VWF: variants seen among roughly 807,000 people sequenced by gnomAD.
VWF encodes Factor VIII related antigen.
A neutral mutation model predicts 308.6 loss-of-function variants in VWF; 176 were observed. That is an observed-to-expected ratio of 0.57 (90% CI 0.50 to 0.65). The LOEUF is 0.65. Among genes scored for constraint, VWF ranks in the 30% least tolerant of loss-of-function variants. VWF has a pLI of 0.00. For missense variants in VWF, 3,146 were observed against 3,648.2 expected, an observed-to-expected ratio of 0.86 and a Z score of 3.55; for synonymous variants, 1,385 against 1,443.4, an observed-to-expected ratio of 0.96 and a Z score of 0.92.
At chr12:6,052,817 G>T in intron 15 of VWF, 34 bp from the exon 16 acceptor site, 1 of 1,601,764 alleles carries the variant, frequency 6.2e-7, no homozygotes, top group South Asian at 1.1e-5. Context: ...GCCTCAGCGG[G>T]AATGTTGGAC....
At chr12:6,106,543 C>G (rs1945245791) in intron 5 of VWF, among the ~76,000 whole-genome samples, 1 of 152,036 alleles carries the variant, frequency 6.6e-6, no homozygotes, top group African/African-American at 2.4e-5. Flanking sequence ...ATGAATGTAC[C>G]TGATACCACT....
chr12:5,984,962 G>A lies in VWF; in HGVS notation c.6976+83C>T, dbSNP rs1243106540. The stretch of plus-strand genomic sequence containing the variant: ...TTCACACACCCTGTGCCTGAGAACA[G>A]AGACACCTTTCAGCACCTTCAACGT... On this transcript the variant is annotated intron_variant, in intron 40 of 51. Transcript: ENST00000261405. 5.5e-6 allele frequency: 8 copies of A among 1,453,018 alleles called. No homozygotes were observed. In the African/African-American group the frequency reaches 8.4e-5, roughly 15 times the overall value. The allele number at this position is 1,453,018 out of a possible 1,614,324, so 90.0% of individuals were successfully genotyped here. A position where few individuals can be genotyped will look rare whatever the true frequency, so the allele number is the denominator to read the frequency against.
intron 5 of VWF, among the ~76,000 whole-genome samples, chr12:6,109,028 T>C (rs1014876028): frequency 1.3e-5 from 2 of 148,888 alleles, no homozygotes; most frequent in African/African-American, 2.5e-5. Context: ...TAAATGTATA[T>C]AGGTTCAGAA....
intron 43 of VWF, among the ~76,000 whole-genome samples, chr12:5,972,945 G>A (rs201301396): frequency 2.0e-5 from 3 of 152,144 alleles, no homozygotes; most frequent in Non-Finnish European, 2.9e-5. Flanking sequence ...TGTCATTCTC[G>A]TACGCCTCTC....
intron 19 of VWF, among the ~76,000 whole-genome samples, chr12:6,036,132 C>G (rs1261536637): frequency 6.6e-6 from 1 of 152,218 alleles, no homozygotes; most frequent in Non-Finnish European, 1.5e-5. Context: ...AAATCCAAAA[C>G]AGTTGTGGTC....
chr12:6,065,551 G>T (rs1045655289), intron 10 of VWF, among the ~76,000 whole-genome samples: 1 of 152,204 alleles, frequency 6.6e-6, no homozygotes, highest in African/African-American at 2.4e-5. Context: ...GTGGAACCAC[G>T]CAGGAACCCA....
chr12:5,968,085 C>T (rs1943424577), intron 46 of VWF, 42 bp downstream of exon 46: 1 of 1,613,692 alleles, frequency 6.2e-7, no homozygotes, highest in Non-Finnish European at 8.5e-7. Flanking sequence ...ACCCCCTTCC[C>T]TGTCCCCACC....
At chr12:6,105,679 A>AATAT (rs1428019922) in intron 5 of VWF, among the ~76,000 whole-genome samples, 4 of 152,224 alleles carry the variant, frequency 2.6e-5, no homozygotes, top group African/African-American at 9.6e-5. Flanking sequence ...TAAATCATGA[A>AATAT]ATATATGAAG....
intron 31 of VWF, among the ~76,000 whole-genome samples, chr12:6,015,525 A>ACTC (rs1401198569): frequency 1.3e-5 from 2 of 151,764 alleles, no homozygotes; most frequent in Non-Finnish European, 2.9e-5. Context: ...TGGTCCCTAG[A>ACTC]CTCTACCACC....
At position 6,058,083 on chromosome 12, in the gene VWF, G is replaced by A; in HGVS notation, c.1534-39C>T. 3 of 1,607,070 alleles carry A rather than the reference G, an allele frequency of 1.9e-6. No individual in the cohort carries two copies. Among genetic ancestry groups the A allele is most frequent in the South Asian group, 1.1e-5 (1 of 90,918 alleles). Reference sequence around the variant, plus strand: ...CAGGCCACTCTGGAGCCGCTGCCGCGAAAGCAGCGGCATAGTTGTTTAGCT... The same window carrying A: ...CAGGCCACTCTGGAGCCGCTGCCGCAAAAGCAGCGGCATAGTTGTTTAGCT... On this transcript the variant is annotated intron_variant, in intron 13 of 51. Coordinates refer to ENST00000261405, the MANE Select transcript of VWF (RefSeq NM_000552.5). This position sits in a 1 kb window ranked among gnomAD's most constrained non-coding sequence, Gnocchi z 4.9.
Position 5,994,094 on chromosome 12 carries a change from C to T in VWF, c.6366G>A (p.Thr2122=), listed in dbSNP as rs141097321. The T allele has an allele frequency of 3.5e-5, 57 of 1,614,200 alleles. No homozygotes were observed. In the Middle Eastern group the frequency reaches 5.0e-4, roughly 14 times the overall value. ...QEWTVQRPGQ[T]CQPILEEQCL... The stretch of plus-strand genomic sequence containing the variant: ...ACTGCTCCTCCAGGATGGGCTGGCA[C>T]GTCTGCCCTGGCCGCTGCACAGTCC... The change falls in exon 37 of 52, where the codon ACG becomes ACA. Residue 2122 remains threonine, a synonymous_variant. Transcript: ENST00000261405.
At chr12:6,071,467 T>C in intron 9 of VWF, 124 bp from the exon 10 acceptor site, 1 of 1,079,756 alleles carries the variant, frequency 9.3e-7, no homozygotes, top group Non-Finnish European at 1.4e-6. Context: ...AGAAAAGAGC[T>C]GGTGCTAGCA....
At chr12:6,065,008 G>A in intron 11 of VWF, 129 bp downstream of exon 11, 3 of 1,374,816 alleles carry the variant, frequency 2.2e-6, no homozygotes, top group Non-Finnish European at 2.0e-6. Context: ...GCTAACTGAA[G>A]TCTGGAAGAG....
In VWF at chr12:6,018,419, G is replaced by A. The variant is rs1449653323; in HGVS notation, c.4999C>T (p.Gln1667Ter). 2 of 1,612,914 alleles carry A rather than the reference G, an allele frequency of 1.2e-6. No individual in the cohort carries two copies. The highest frequency in any genetic ancestry group is 1.7e-6 in the Non-Finnish European group (2 of 1,179,554). Residue 1667 changes from glutamine (Q) to a stop codon, truncating the protein, a stop_gained, in exon 28 of 52, where the codon CAG (glutamine) becomes TAG (stop). Coordinates refer to ENST00000261405, the MANE Select transcript of VWF (RefSeq NM_000552.5). LOFTEE classifies it high-confidence loss of function. ...LPREAPDLVL[Q>*]RCCSGEGLQI... is the part of the protein sequence containing the mutation. ...AGCCCCTCTCCGGAGCAGCACCTCT[G>A]CAGCACCAGGTCAGGAGCCTCTCGG...
In VWF at chr12:6,099,459, ACTT is replaced by A. The variant is rs1240158154; in HGVS notation, c.533-3878_533-3876del. On this transcript the variant is annotated intron_variant, in intron 5 of 51. Coordinates refer to ENST00000261405, the MANE Select transcript of VWF (RefSeq NM_000552.5). ...ATATGGATTTGAGATTCCTATTTAT[ACTT>A]CTTATAAGATTTAGTAACTCCATAT... Among the ~76,000 whole-genome samples, 8 of 152,240 alleles carry A rather than the reference ACTT, an allele frequency of 5.3e-5. No homozygotes were observed. The South Asian group carries it at 6.2e-4, about 12-fold the overall frequency.
At chr12:6,030,551 T>G (rs149614858) in intron 21 of VWF, among the ~76,000 whole-genome samples, 12 of 152,282 alleles carry the variant, frequency 7.9e-5, no homozygotes, top group African/African-American at 2.9e-4. Flanking sequence ...GGCCTGGGGA[T>G]GACCTGCAAC....
rs1183804839 is a variant in VWF at position 6,018,396 on chromosome 12, C to G, written c.5022G>C (p.Gly1674=). The G allele has an allele frequency of 6.2e-7, 1 of 1,612,392 alleles. No homozygotes were observed. Among genetic ancestry groups the G allele is most frequent in the Admixed American group, 1.7e-5 (1 of 60,000 alleles). ...CAGGGGAGAGGGTGGGGATCTGCAG[C>G]CCCTCTCCGGAGCAGCACCTCTGCA... ...LVLQRCCSGE[G]LQIPTLSPAP... is the part of the protein sequence containing the mutation. The change falls in exon 28 of 52, where the codon GGG becomes GGC. Residue 1674 remains glycine (G), a synonymous_variant. Coordinates refer to ENST00000261405, the MANE Select transcript of VWF (RefSeq NM_000552.5).
intron 34 of VWF, among the ~76,000 whole-genome samples, chr12:6,005,333 T>C (rs1943913736): frequency 6.6e-6 from 1 of 152,224 alleles, no homozygotes; most frequent in Non-Finnish European, 1.5e-5. Flanking sequence ...GGTTTATGAT[T>C]ATTATTCTTA....
At chr12:5,995,908 C>T in intron 35 of VWF, 94 bp downstream of exon 35, 1 of 1,193,190 alleles carries the variant, frequency 8.4e-7, no homozygotes. Context: ...GAGCTCCTAA[C>T]AAGAGCATCA....
Sources: gnomAD v4.1 joint callset for allele counts (sites outside exome capture counted in the v4.1 genomes callset) on GRCh38, gnomAD v4.1.1 for gene constraint, Gnocchi (gnomAD v3.1) non-coding constraint, MANE v1.5 for transcripts, NCBI Gene and HGNC (gene_info 2026-07-23, HGNC 2026-07-21) for gene names.